XRN1: variants seen among roughly 807,000 people sequenced by gnomAD.
The protein encoded by XRN1 is 5'-3' exoribonuclease 1.
Under a neutral mutation model 222.3 loss-of-function variants are expected in XRN1, and 67 were observed. The observed-to-expected ratio is 0.30, with a 90% confidence interval of 0.25 to 0.37. The LOEUF (loss-of-function observed/expected upper bound fraction) is 0.37. Among genes scored for constraint, XRN1 ranks in the 10% least tolerant of loss-of-function variants. The pLI, the probability that XRN1 is intolerant of heterozygous loss-of-function variation, is 1.00. For synonymous variants in XRN1, 643 were observed against 652.4 expected (o/e 0.99, Z 0.22); for missense variants, 1,707 against 2,000.2 (o/e 0.85, Z 2.80).
intron 29 of XRN1, among the ~76,000 whole-genome samples, chr3:142,361,961 C>CTCT (rs1318890178): frequency 1.0e-5 from 1 of 99,974 alleles, no homozygotes; most frequent in African/African-American, 4.1e-5. Context: ...TTCTTTTTCT[C>CTCT]TCTTTTTTTT....
At chr3:142,424,134 T>C (rs1431619360) in intron 5 of XRN1, among the ~76,000 whole-genome samples, 1 of 152,128 alleles carries the variant, frequency 6.6e-6, no homozygotes, top group Non-Finnish European at 1.5e-5. Flanking sequence ...CTCGCTCTGT[T>C]GCCCAGGCTG....
At chr3:142,436,887 G>A (rs139464746) in intron 1 of XRN1, among the ~76,000 whole-genome samples, 2,046 of 152,222 alleles carry the variant, frequency 0.013, 59 homozygotes, top group Admixed American at 0.082. Context: ...CATGGATGAT[G>A]AAAGCTTTTT....
intron 6 of XRN1, among the ~76,000 whole-genome samples, chr3:142,423,260 T>C (rs2069112966): frequency 6.6e-6 from 1 of 152,130 alleles, no homozygotes. Flanking sequence ...GCAAGGAAGA[T>C]TGGATATCCA....
chr3:142,400,371 A>G (rs1018704261), intron 19 of XRN1, 73 bp downstream of exon 19: 8 of 1,265,080 alleles, frequency 6.3e-6, no homozygotes, highest in Non-Finnish European at 8.9e-6. Context: ...AGTTAAAAAA[A>G]TGAATCAATA....
At chr3:142,409,659 A>G (rs1195538503) in intron 15 of XRN1, among the ~76,000 whole-genome samples, 3 of 152,214 alleles carry the variant, frequency 2.0e-5, no homozygotes, top group Middle Eastern at 3.2e-3. Flanking sequence ...GCAATCTTAT[A>G]AAAACTTTAG....
intron 34 of XRN1, among the ~76,000 whole-genome samples, chr3:142,334,398 A>C (rs1326572664): frequency 6.6e-6 from 1 of 151,958 alleles, no homozygotes; most frequent in Non-Finnish European, 1.5e-5. Context: ...ATATATTAAA[A>C]TATGATAGGC....
chr3:142,418,852 A>C lies in XRN1; in HGVS notation c.1203T>G (p.Ala401=). The C allele has an allele frequency of 1.2e-6, 2 of 1,614,076 alleles. No homozygotes were observed. Among genetic ancestry groups the C allele is most frequent in the Non-Finnish European group, 1.7e-6 (2 of 1,179,966 alleles). Residue 401 remains alanine (A), a synonymous_variant, in exon 11 of 41, where the codon GCT becomes GCG. Transcript: ENST00000392981. ...TCATTTCGCCTTCATTTTTGTCTAA[A>C]GCAGTCCAACACAGAGAATTTTCCT... is the stretch of plus-strand genomic sequence containing the variant. ...KGQENSLCWT[A]LDKNEGEMIT...
intron 33 of XRN1, among the ~76,000 whole-genome samples, chr3:142,338,090 C>T (rs2065896412): frequency 6.6e-6 from 1 of 152,172 alleles, no homozygotes; most frequent in Non-Finnish European, 1.5e-5. Flanking sequence ...GGCTTGCAGC[C>T]TTTTACTTGC....
At chr3:142,407,301 A>G (rs2068378672) in intron 15 of XRN1, among the ~76,000 whole-genome samples, 1 of 152,184 alleles carries the variant, frequency 6.6e-6, no homozygotes, top group Non-Finnish European at 1.5e-5. Context: ...CATCCCAAAC[A>G]TTTAAAAATT....
intron 37 of XRN1, among the ~76,000 whole-genome samples, chr3:142,326,620 A>G (rs891737148): frequency 6.6e-6 from 1 of 151,948 alleles, no homozygotes; most frequent in African/African-American, 2.4e-5. Flanking sequence ...GATGCCTTTT[A>G]TTTATTTCTG....
intron 20 of XRN1, among the ~76,000 whole-genome samples, chr3:142,391,828 T>C (rs2067735760): frequency 6.6e-6 from 1 of 150,908 alleles, no homozygotes; most frequent in African/African-American, 2.4e-5. Context: ...AAAGGGTTTT[T>C]AATATATGGT....
At chr3:142,335,033 G>A (rs936865600) in intron 34 of XRN1, among the ~76,000 whole-genome samples, 3 of 151,474 alleles carry the variant, frequency 2.0e-5, no homozygotes, top group Admixed American at 6.6e-5. Context: ...TAGAGACGGG[G>A]TTTTACCATG....
chr3:142,364,394 C>A (rs1343242273), intron 29 of XRN1, among the ~76,000 whole-genome samples: 4 of 151,906 alleles, frequency 2.6e-5, no homozygotes, highest in Non-Finnish European at 5.9e-5. Context: ...TCTTTGGGGG[C>A]ACATTCAGAT....
chr3:142,410,774 A>C (rs935069217), intron 15 of XRN1, among the ~76,000 whole-genome samples: 2 of 152,040 alleles, frequency 1.3e-5, no homozygotes, highest in Non-Finnish European at 2.9e-5. Flanking sequence ...GATTACAGGC[A>C]TGAGCCACCG....
intron 5 of XRN1, among the ~76,000 whole-genome samples, chr3:142,424,576 G>A (rs920096338): frequency 1.2e-4 from 18 of 152,084 alleles, no homozygotes; most frequent in Non-Finnish European, 2.5e-4. Flanking sequence ...ATTAAGAAAA[G>A]GTTAATTTCT....
At chr3:142,408,059 C>T (rs1559857587) in intron 15 of XRN1, among the ~76,000 whole-genome samples, 1 of 152,234 alleles carries the variant, frequency 6.6e-6, no homozygotes, top group Non-Finnish European at 1.5e-5. Context: ...TAATAGCATA[C>T]TCTTCTAAAA....
chr3:142,356,551 C>T (rs2107831533), intron 31 of XRN1, among the ~76,000 whole-genome samples: 1 of 152,186 alleles, frequency 6.6e-6, no homozygotes, highest in African/African-American at 2.4e-5. Context: ...ATAATCCTTG[C>T]CCTTTATCTT....
intron 21 of XRN1, among the ~76,000 whole-genome samples, chr3:142,384,263 C>A (rs1577336666): frequency 7.0e-6 from 1 of 141,882 alleles, no homozygotes; most frequent in East Asian, 2.0e-4. Context: ...CAGAGCGAGA[C>A]TCTGTCTCAA....
At chr3:142,402,598 ATAAGT>A (rs1215756344) in intron 18 of XRN1, among the ~76,000 whole-genome samples, 5 of 152,216 alleles carry the variant, frequency 3.3e-5, no homozygotes, top group Non-Finnish European at 5.9e-5. Context: ...TGCACAGAAG[ATAAGT>A]TAATTTATTG....
Sources: allele counts gnomAD v4.1 joint callset (sites outside exome capture counted in the v4.1 genomes callset), GRCh38; gene constraint gnomAD v4.1.1; transcripts MANE v1.5; gene names NCBI Gene and HGNC (gene_info 2026-07-23, HGNC 2026-07-21).